Variants in ARHGAP19 observed in about 807,000 individuals in gnomAD.
ARHGAP19 encodes the protein Rho GTPase activating protein 19, also known as rho GTPase-activating protein 19.
Under a neutral mutation model 60.9 loss-of-function variants are expected in ARHGAP19, and 48 were observed. The ratio of observed to expected loss-of-function variants is 0.79; its 90% CI spans 0.62 to 1.00. ARHGAP19 has a LOEUF of 1.00. Among genes scored for constraint, ARHGAP19 ranks in the 50% least tolerant of loss-of-function variants. The pLI, the probability that ARHGAP19 is intolerant of heterozygous loss-of-function variation, is 0.00. For missense variants in ARHGAP19, 562 were observed against 597.2 expected (o/e 0.94, Z 0.61); for synonymous variants, 209 against 215.5 (o/e 0.97, Z 0.27).
At chr10:97,249,743 T>C (rs998278557) in intron 6 of ARHGAP19, among the ~76,000 whole-genome samples, 4 of 151,934 alleles carry the variant, frequency 2.6e-5, no homozygotes, top group Non-Finnish European at 4.4e-5. Flanking sequence ...TACTGAAAGC[T>C]AGTTGATAAG....
intron 1 of ARHGAP19, among the ~76,000 whole-genome samples, chr10:97,289,579 T>C (rs1223246576): frequency 6.6e-6 from 1 of 152,104 alleles, no homozygotes; most frequent in African/African-American, 2.4e-5. Flanking sequence ...CTGACACCTA[T>C]AATCCCAGCA....
intron 6 of ARHGAP19, among the ~76,000 whole-genome samples, chr10:97,251,577 A>G (rs867182934): frequency 3.9e-3 from 5 of 1,272 alleles, no homozygotes; most frequent in Admixed American, 6.5e-3. Flanking sequence ...AGGGGAAGGG[A>G]AGGGGAAAGG....
chr10:97,239,676 T>C (rs1842447303), intron 8 of ARHGAP19, among the ~76,000 whole-genome samples: 1 of 151,000 alleles, frequency 6.6e-6, no homozygotes, highest in South Asian at 2.1e-4. Context: ...AAAAGTAAAA[T>C]CTGTAATGTT....
intron 4 of ARHGAP19, among the ~76,000 whole-genome samples, chr10:97,261,084 A>G (rs913852651): frequency 6.6e-6 from 1 of 152,174 alleles, no homozygotes; most frequent in African/African-American, 2.4e-5. Context: ...TCCTTATAAC[A>G]GGCAGCTCCC....
At chr10:97,256,586 G>A (rs1842755491) in intron 5 of ARHGAP19, 182 bp from the exon 6 acceptor site, 1 of 514,678 alleles carries the variant, frequency 1.9e-6, no homozygotes, top group Non-Finnish European at 3.4e-6. Flanking sequence ...GAAAAACAAT[G>A]TGTCCCTGAA....
Position 97,224,412 on chromosome 10 carries a change from C to G in ARHGAP19, c.*1710G>C, listed in dbSNP as rs1450557426. 3 of 152,218 alleles carry G rather than the reference C, an allele frequency of 2.0e-5. No homozygotes were observed. Among genetic ancestry groups the G allele is most frequent in the Non-Finnish European group, 4.4e-5 (3 of 68,036 alleles). 9.4% of individuals were successfully genotyped at this position (152,218 alleles called of 1,614,324 possible). ...ATGTGTTTTTACAAATGACATAAAA[C>G]TGCTCTAGAGAAAGGGGCTTCTAAG... On this transcript the variant is annotated 3_prime_UTR_variant, in exon 12 of 12. Coordinates refer to ENST00000358531, the MANE Select transcript of ARHGAP19 (RefSeq NM_032900.6).
chr10:97,260,408 T>C (rs777444229), intron 4 of ARHGAP19, among the ~76,000 whole-genome samples: 1 of 151,608 alleles, frequency 6.6e-6, no homozygotes, highest in South Asian at 2.1e-4. Context: ...TGGGCGCCTG[T>C]AGTCCCAGCT....
intron 1 of ARHGAP19, 103 bp from the exon 2 acceptor site, chr10:97,266,228 T>G: frequency 7.3e-7 from 1 of 1,369,108 alleles, no homozygotes; most frequent in Non-Finnish European, 1.0e-6. Flanking sequence ...AGGCAGAGGT[T>G]TCCTTATAGT....
At chr10:97,257,239 T>G (rs937499036) in intron 5 of ARHGAP19, among the ~76,000 whole-genome samples, 1 of 152,154 alleles carries the variant, frequency 6.6e-6, no homozygotes, top group East Asian at 1.9e-4. Flanking sequence ...AGCCCTCATT[T>G]TCAACATGTA....
intron 4 of ARHGAP19, among the ~76,000 whole-genome samples, chr10:97,262,813 A>G (rs1842848486): frequency 1.3e-5 from 2 of 151,834 alleles, no homozygotes; most frequent in Admixed American, 1.3e-4. Flanking sequence ...AAAAGCATAC[A>G]TTTATTAAGC....
Position 97,292,581 on chromosome 10 carries a change from G to T in ARHGAP19, c.47C>A (p.Ser16Tyr), listed in dbSNP as rs752107486. The T allele has an allele frequency of 1.2e-5, 19 of 1,614,206 alleles. No individual in the cohort carries two copies. Among genetic ancestry groups the T allele is most frequent in the Non-Finnish European group, 1.4e-5 (17 of 1,180,038 alleles). ...QSEGEVPARE[S>Y]GRSDAICSFV... is the part of the protein sequence containing the mutation. ...ACCAAACTCAGCTCACCTCCGGCCG[G>T]ATTCGCGGGCTGGCACCTCCCCTTC... The change falls in exon 1 of 12, where the codon TCC becomes TAC. Residue 16 changes from serine (S) to tyrosine (Y), a missense_variant. Transcript: ENST00000358531.
intron 1 of ARHGAP19, chr10:97,277,623 T>A (rs1268628731): frequency 5.7e-4 from 1 of 1,756 alleles, no homozygotes; most frequent in African/African-American, 5.8e-4. Flanking sequence ...AATAAATAAA[T>A]AAATAAAAAA....
intron 4 of ARHGAP19, among the ~76,000 whole-genome samples, chr10:97,261,844 G>T (rs975507414): frequency 2.6e-5 from 4 of 152,110 alleles, no homozygotes; most frequent in Non-Finnish European, 5.9e-5. Context: ...CATAACAGAC[G>T]TGCAATTTAA....
intron 9 of ARHGAP19, among the ~76,000 whole-genome samples, chr10:97,231,979 GTTTTTTTTTT>G (rs142111578): frequency 1.9e-5 from 2 of 107,866 alleles, no homozygotes; most frequent in African/African-American, 6.5e-5. Context: ...ATTTTCCGTT[GTTTTTTTTTT>G]TTTTTTTTTA....
intron 1 of ARHGAP19, among the ~76,000 whole-genome samples, chr10:97,287,020 T>C (rs1843165131): frequency 6.6e-6 from 1 of 152,214 alleles, no homozygotes; most frequent in Admixed American, 6.6e-5. Flanking sequence ...GGATGATGGC[T>C]GTTTGCAGCC....
At chr10:97,267,080 T>C (rs1250828777) in intron 1 of ARHGAP19, among the ~76,000 whole-genome samples, 1 of 152,222 alleles carries the variant, frequency 6.6e-6, no homozygotes, top group Non-Finnish European at 1.5e-5. Flanking sequence ...GCAAGTCCCT[T>C]CTGCCTATAA....
intron 1 of ARHGAP19, among the ~76,000 whole-genome samples, chr10:97,286,744 C>T (rs894242901): frequency 2.0e-5 from 3 of 152,210 alleles, no homozygotes; most frequent in Non-Finnish European, 4.4e-5. Flanking sequence ...TGTTCCTAAG[C>T]TGGCTCTTCA....
At chr10:97,232,976 C>T (rs1341442180) in intron 9 of ARHGAP19, among the ~76,000 whole-genome samples, 1 of 151,978 alleles carries the variant, frequency 6.6e-6, no homozygotes, top group Non-Finnish European at 1.5e-5. Flanking sequence ...GGTGAAACCC[C>T]ATCTCTACTA....
At chr10:97,231,204 A>G (rs1450199427) in intron 9 of ARHGAP19, among the ~76,000 whole-genome samples, 1 of 152,172 alleles carries the variant, frequency 6.6e-6, no homozygotes, top group Non-Finnish European at 1.5e-5. Flanking sequence ...GAAAAAAACA[A>G]GAGTAAACTA....
Sources: allele counts gnomAD v4.1 joint callset (sites outside exome capture counted in the v4.1 genomes callset), GRCh38; gene constraint gnomAD v4.1.1; transcripts MANE v1.5; gene names NCBI Gene and HGNC (gene_info 2026-07-23, HGNC 2026-07-21).